The following CNBP variants were observed in gnomAD, a reference collection of about 807,000 sequenced individuals.
CNBP encodes CCHC-type zinc finger nucleic acid binding protein.
CNBP carries 6 observed loss-of-function variants against 21.2 expected under a neutral mutation model. The observed-to-expected ratio is 0.28, with a 90% confidence interval of 0.16 to 0.56. CNBP has a LOEUF of 0.56. CNBP is among the 20% of genes least tolerant of loss of function. The pLI, the probability that CNBP is intolerant of heterozygous loss-of-function variation, is 0.93. For synonymous variants in CNBP, 61 were observed against 74.9 expected, an observed-to-expected ratio of 0.81 and a Z score of 0.96; for missense variants, 112 against 233.1, an observed-to-expected ratio of 0.48 and a Z score of 3.38.
At position 129,172,656 on chromosome 3, in the gene CNBP, GCAGACAGACAGA is replaced by G. The variant is rs1169469064; in HGVS notation, c.-14-897_-14-886del. Among the ~76,000 whole-genome samples the G allele has an allele frequency of 8.9e-5, 10 of 112,656 alleles. No homozygotes were observed. In the South Asian group the frequency reaches 1.0e-3, roughly 12 times the overall value. The allele number at this position is 112,656 out of a possible 152,430, so 73.9% of individuals were successfully genotyped here. A position where few individuals can be genotyped will look rare whatever the true frequency, so the allele number is the denominator to read the frequency against. Reference sequence around the variant, plus strand: ...GGCAGGCAGGCAGGCAGGCAGGCAGGCAGACAGACAGACAGACAGACAGACAGACAGACAGAC... The same window carrying G: ...GGCAGGCAGGCAGGCAGGCAGGCAGGCAGACAGACAGACAGACAGACAGAC... On this transcript the variant is annotated intron_variant, in intron 1 of 4. Coordinates refer to ENST00000422453, the MANE Select transcript of CNBP (RefSeq NM_003418.5).
chr3:129,177,488 AATAG>A (rs1446161814), intron 1 of CNBP, among the ~76,000 whole-genome samples: 1 of 152,224 alleles, frequency 6.6e-6, no homozygotes, highest in Non-Finnish European at 1.5e-5. Flanking sequence ...CCTTGTGCTT[AATAG>A]ATATTCAATT....
At chr3:129,176,530 G>T (rs1172343403) in intron 1 of CNBP, among the ~76,000 whole-genome samples, 1 of 152,156 alleles carries the variant, frequency 6.6e-6, no homozygotes, top group African/African-American at 2.4e-5. Context: ...AGGGGGACAG[G>T]TGTCTTTAGC....
chr3:129,171,441 C>T lies in CNBP; in HGVS notation c.217+5G>A, dbSNP rs752998924. ...GGGTATGAAAAGGAAGTGTTAAATA[C>T]TTACCATCCTCCTGAAGATCACAAT... On this transcript the variant is annotated splice_donor_5th_base_variant and intron_variant, in intron 3 of 4. Coordinates refer to ENST00000422453, the MANE Select transcript of CNBP (RefSeq NM_003418.5). The T allele has an allele frequency of 6.2e-7, 1 of 1,612,590 alleles. No individual in the cohort carries two copies.
chr3:129,172,155 TGA>T (rs1417238307), intron 1 of CNBP, among the ~76,000 whole-genome samples: 1 of 151,922 alleles, frequency 6.6e-6, no homozygotes, highest in African/African-American at 2.4e-5. Context: ...TGGGCAACAT[TGA>T]GACTCTGTCT....
Position 129,168,634 on chromosome 3 carries a change from C to G in CNBP, c.*1819G>C, listed in dbSNP as rs1937510437. Among the ~76,000 whole-genome samples, 1 of 139,394 alleles carries G rather than the reference C, an allele frequency of 7.2e-6. No individual in the cohort carries two copies. Among genetic ancestry groups the G allele is most frequent in the South Asian group, 2.3e-4 (1 of 4,364 alleles). 91.4% of individuals were successfully genotyped at this position (139,394 alleles called of 152,430 possible). ...AAAAAAAAAAAAAAAAAAAAAGGCC[C>G]AGGAAAAACACAAAAATAGCAATGG... On this transcript the variant is annotated 3_prime_UTR_variant, in exon 5 of 5. Coordinates refer to ENST00000422453, the MANE Select transcript of CNBP (RefSeq NM_003418.5).
At chr3:129,176,034 T>C (rs1321336849) in intron 1 of CNBP, among the ~76,000 whole-genome samples, 1 of 152,196 alleles carries the variant, frequency 6.6e-6, no homozygotes, top group Non-Finnish European at 1.5e-5. Context: ...CACAATGTTT[T>C]AGACTCACAC....
chr3:129,181,239 CAAAAAAAAAA>C (rs10587328), intron 1 of CNBP, among the ~76,000 whole-genome samples: 78 of 53,176 alleles, frequency 1.5e-3, no homozygotes, highest in Admixed American at 2.5e-3. Context: ...GACTCTGTCT[CAAAAAAAAAA>C]AAAAAAAAAA....
chr3:129,175,690 A>C (rs186341096), intron 1 of CNBP, among the ~76,000 whole-genome samples: 82 of 152,264 alleles, frequency 5.4e-4, no homozygotes, highest in African/African-American at 1.9e-3. Context: ...GGCCTCCCAA[A>C]GTGTTAGGAT....
intron 1 of CNBP, among the ~76,000 whole-genome samples, chr3:129,172,683 GACAGACAGACAGACACACACACACAC>G (rs1389276612): frequency 5.0e-4 from 48 of 95,968 alleles, no homozygotes; most frequent in African/African-American, 1.8e-3. Flanking sequence ...CAGACAGACA[GACAGACAGACAGACACACACACACAC>G]ACACACACAC....
At position 129,169,843 on chromosome 3, in the gene CNBP, T is replaced by C. The variant is rs1175491697; in HGVS notation, c.*610A>G. On this transcript the variant is annotated 3_prime_UTR_variant, in exon 5 of 5. Transcript: ENST00000422453. ...TTTAGTCTTTGAAAATAATGTGTTC[T>C]AAACCTTTGCCATCACCATCTATGT... The C allele has an allele frequency of 4.4e-6, 1 of 228,278 alleles. No homozygotes were observed. The highest frequency in any genetic ancestry group is 8.7e-6 in the Non-Finnish European group (1 of 114,842). 14.1% of individuals were successfully genotyped at this position (228,278 alleles called of 1,614,324 possible).
In CNBP at chr3:129,169,251, A is replaced by G. The variant is rs1043320717; in HGVS notation, c.*1202T>C. Among the ~76,000 whole-genome samples the G allele has an allele frequency of 1.3e-5, 2 of 152,196 alleles. No homozygotes were observed. The highest frequency in any genetic ancestry group is 2.9e-5 in the Non-Finnish European group (2 of 68,014). ...GGAGGTTGCAGTGAGCCAAGCCTGC[A>G]CTCCAGCCTGGGCGACAAGAGTGAG... On this transcript the variant is annotated 3_prime_UTR_variant, in exon 5 of 5. Coordinates refer to ENST00000422453, the MANE Select transcript of CNBP (RefSeq NM_003418.5).
Position 129,168,740 on chromosome 3 carries a change from C to A in CNBP, c.*1713G>T, listed in dbSNP as rs946390624. The stretch of plus-strand genomic sequence containing the variant: ...ACTTTGGGGGGCGGGGCAGGTGGAT[C>A]ACCTGAGGTCAGGAGTTGGAGACCA... On this transcript the variant is annotated 3_prime_UTR_variant, in exon 5 of 5. Coordinates refer to ENST00000422453, the MANE Select transcript of CNBP (RefSeq NM_003418.5). Among the ~76,000 whole-genome samples, 2 of 151,556 alleles carry A rather than the reference C, an allele frequency of 1.3e-5. No individual in the cohort carries two copies. The highest frequency in any genetic ancestry group is 2.9e-5 in the Non-Finnish European group (2 of 67,946).
chr3:129,175,528 C>T (rs1295803143), intron 1 of CNBP, among the ~76,000 whole-genome samples: 2 of 149,630 alleles, frequency 1.3e-5, no homozygotes, highest in African/African-American at 4.9e-5. Flanking sequence ...CTCCTGGGTT[C>T]AAGCGATTCC....
At chr3:129,173,325 T>G (rs377159828) in intron 1 of CNBP, among the ~76,000 whole-genome samples, 1 of 152,206 alleles carries the variant, frequency 6.6e-6, no homozygotes, top group African/African-American at 2.4e-5. Flanking sequence ...AACTTGAGCA[T>G]AGGAGGATTT....
intron 1 of CNBP, among the ~76,000 whole-genome samples, chr3:129,177,885 C>T (rs765677369): frequency 6.6e-6 from 1 of 152,094 alleles, no homozygotes; most frequent in South Asian, 2.1e-4. Flanking sequence ...CTGGGCCGGG[C>T]GGGGTGGCCC....
intron 1 of CNBP, among the ~76,000 whole-genome samples, chr3:129,173,109 GAATAAA>G (rs1937654768): frequency 1.3e-5 from 2 of 152,082 alleles, no homozygotes; most frequent in South Asian, 4.1e-4. Context: ...ACCAACCTTG[GAATAAA>G]AATATTCAGT....
chr3:129,169,162 C>T lies in CNBP; in HGVS notation c.*1291G>A, dbSNP rs1431589714. ...ACAAAAAATTAGCGGGGGGTGGTGG[C>T]GGGTGCCTGTAATCCCAGCTACTCA... On this transcript the variant is annotated 3_prime_UTR_variant, in exon 5 of 5. Transcript: ENST00000422453. 3.3e-5 allele frequency among the ~76,000 whole-genome samples: 5 copies of T among 151,822 alleles called. No individual in the cohort carries two copies. The highest frequency in any genetic ancestry group is 1.2e-4 in the African/African-American group (5 of 41,354).
At chr3:129,172,608 ACAGGCAGACAGGCAGCCAGGCAGGCAGG>A (rs1235564974) in intron 1 of CNBP, among the ~76,000 whole-genome samples, 1 of 31,806 alleles carries the variant, frequency 3.1e-5, no homozygotes, top group Non-Finnish European at 1.0e-4. Flanking sequence ...AGGCAGGCAG[ACAGGCAGACAGGCAGCCAGGCAGGCAGG>A]CAGGCAGGCA....
chr3:129,171,821 CTT>C (rs1287484374), intron 1 of CNBP, 50 bp from the exon 2 acceptor site: 16 of 1,548,018 alleles, frequency 1.0e-5, no homozygotes, highest in African/African-American at 1.4e-5. Flanking sequence ...GTTCTTTTAA[CTT>C]TTATTCTCTA....
Sources: gnomAD v4.1 joint callset for allele counts (sites outside exome capture counted in the v4.1 genomes callset) on GRCh38, gnomAD v4.1.1 for gene constraint, MANE v1.5 for transcripts, NCBI Gene and HGNC (gene_info 2026-07-23, HGNC 2026-07-21) for gene names.